The following PRKCB variants were observed in gnomAD, a reference collection of about 807,000 sequenced individuals.
PRKCB encodes protein kinase C beta.
A neutral mutation model predicts 81.5 loss-of-function variants in PRKCB; 13 were observed. The observed-to-expected ratio is 0.16, with a 90% CI of 0.10 to 0.25. The LOEUF is 0.25. PRKCB is among the 10% of genes least tolerant of loss of function. The pLI is 1.00. For missense variants in PRKCB, 509 were observed against 875.7 expected, an observed-to-expected ratio of 0.58 and a Z score of 5.29; for synonymous variants, 335 against 321.4, an observed-to-expected ratio of 1.04 and a Z score of -0.45.
At chr16:23,977,245 T>C (rs1032865520) in intron 2 of PRKCB, among the ~76,000 whole-genome samples, 5 of 152,138 alleles carry the variant, frequency 3.3e-5, no homozygotes, top group Non-Finnish European at 5.9e-5. Context: ...TCTCTACATA[T>C]GGAGATGGAA....
chr16:23,992,942 G>T (rs1482717686), intron 3 of PRKCB, among the ~76,000 whole-genome samples: 3 of 152,162 alleles, frequency 2.0e-5, no homozygotes, highest in African/African-American at 7.2e-5. Context: ...TCAAGCAAAA[G>T]TGTCATCCCC....
chr16:24,100,838 A>G (rs1346214599), intron 7 of PRKCB, among the ~76,000 whole-genome samples: 1 of 152,166 alleles, frequency 6.6e-6, no homozygotes, highest in Non-Finnish European at 1.5e-5. Context: ...AGGGTTTTTC[A>G]AGGACAGTTT....
At chr16:24,148,235 C>T (rs1967023708) in intron 9 of PRKCB, among the ~76,000 whole-genome samples, 1 of 152,210 alleles carries the variant, frequency 6.6e-6, no homozygotes, top group Non-Finnish European at 1.5e-5. Context: ...CTTCAGGTGT[C>T]AGCTTAACCA....
intron 2 of PRKCB, among the ~76,000 whole-genome samples, chr16:23,900,165 A>G (rs190223505): frequency 9.8e-4 from 149 of 152,248 alleles, no homozygotes; most frequent in African/African-American, 3.4e-3. Flanking sequence ...AATATACAAG[A>G]CAGCCTCACA....
chr16:23,949,277 C>T (rs1296882519), intron 2 of PRKCB, among the ~76,000 whole-genome samples: 1 of 152,184 alleles, frequency 6.6e-6, no homozygotes, highest in East Asian at 1.9e-4. Flanking sequence ...AAGGGCCAGC[C>T]CCTGGGGCCT....
chr16:24,104,469 AAAC>A (rs1214090369), intron 7 of PRKCB, among the ~76,000 whole-genome samples: 18 of 152,358 alleles, frequency 1.2e-4, no homozygotes, highest in Non-Finnish European at 1.9e-4. Flanking sequence ...GAAGAAAAAT[AAAC>A]AACAATTGTA....
chr16:23,947,633 G>A (rs1030806174), intron 2 of PRKCB, among the ~76,000 whole-genome samples: 8 of 152,124 alleles, frequency 5.3e-5, no homozygotes, highest in Admixed American at 1.3e-4. Context: ...GGTCTTCAGA[G>A]ATACATAGAT....
chr16:24,108,340 TTTA>T (rs1966606964), intron 7 of PRKCB, among the ~76,000 whole-genome samples: 1 of 147,582 alleles, frequency 6.8e-6, no homozygotes, highest in African/African-American at 2.5e-5. Flanking sequence ...TTTATTTTTT[TTTA>T]AATTTATTTA....
intron 10 of PRKCB, among the ~76,000 whole-genome samples, chr16:24,155,717 C>G (rs1243352137): frequency 6.6e-6 from 1 of 152,208 alleles, no homozygotes; most frequent in African/African-American, 2.4e-5. Flanking sequence ...TACTTTGCAT[C>G]TAATTTGATG....
chr16:24,106,882 A>T (rs1966585304), intron 7 of PRKCB, among the ~76,000 whole-genome samples: 1 of 152,166 alleles, frequency 6.6e-6, no homozygotes, highest in South Asian at 2.1e-4. Flanking sequence ...TATGAGAAGA[A>T]TATTAATATG....
At chr16:24,125,317 G>GC (rs3841767) in intron 9 of PRKCB, among the ~76,000 whole-genome samples, 1 of 151,732 alleles carries the variant, frequency 6.6e-6, no homozygotes, top group East Asian at 1.9e-4. Flanking sequence ...TTATCATCTG[G>GC]CCCTTGTTCT....
rs1453653231 is a variant in PRKCB, at chr16:24,172,308, C to T, written c.1278C>T (p.Gly426=). The T allele has an allele frequency of 6.8e-6, 11 of 1,613,900 alleles. No homozygotes were observed. Among genetic ancestry groups the T allele is most frequent in the South Asian group, 1.1e-5 (1 of 91,056 alleles). ...LYFVMEYVNG[G]DLMYHIQQVG... ...TTGTGATGGAGTACGTGAATGGGGG[C>T]GACCTCATGTATCACATCCAGCAAG... Residue 426 remains glycine (G), a synonymous_variant, in exon 11 of 17, where the codon GGC becomes GGT. Coordinates refer to ENST00000643927, the MANE Select transcript of PRKCB (RefSeq NM_002738.7).
intron 9 of PRKCB, among the ~76,000 whole-genome samples, chr16:24,134,228 CCTTT>C (rs1966858123): frequency 6.6e-6 from 1 of 151,980 alleles, no homozygotes; most frequent in African/African-American, 2.4e-5. Flanking sequence ...TTCCTTTTTT[CCTTT>C]CTTTCTTCCT....
At chr16:24,081,300 A>C (rs1191666119) in intron 5 of PRKCB, among the ~76,000 whole-genome samples, 1 of 152,026 alleles carries the variant, frequency 6.6e-6, no homozygotes, top group Admixed American at 6.5e-5. Flanking sequence ...TTACCATATT[A>C]ATAATCTAAA....
intron 5 of PRKCB, among the ~76,000 whole-genome samples, chr16:24,079,374 TG>T (rs1966220803): frequency 6.6e-6 from 1 of 152,220 alleles, no homozygotes; most frequent in Non-Finnish European, 1.5e-5. Context: ...GACTGAACCT[TG>T]GGGCACCCGC....
intron 2 of PRKCB, among the ~76,000 whole-genome samples, chr16:23,967,358 C>G (rs373688863): frequency 7.2e-5 from 11 of 152,300 alleles, no homozygotes; most frequent in African/African-American, 2.6e-4. Context: ...CATAGTCACC[C>G]ATGGGGGCGA....
intron 3 of PRKCB, among the ~76,000 whole-genome samples, chr16:24,026,983 G>C (rs1480043617): frequency 6.6e-6 from 1 of 152,168 alleles, no homozygotes; most frequent in Non-Finnish European, 1.5e-5. Context: ...GCCAATACCA[G>C]TCATGAACAG....
At chr16:24,028,586 T>G (rs1415347186) in intron 3 of PRKCB, among the ~76,000 whole-genome samples, 1 of 152,232 alleles carries the variant, frequency 6.6e-6, no homozygotes, top group Non-Finnish European at 1.5e-5. Flanking sequence ...GAACCTACAC[T>G]TGTGTTGAAC....
intron 5 of PRKCB, among the ~76,000 whole-genome samples, chr16:24,055,300 G>A (rs1965890838): frequency 6.6e-6 from 1 of 152,258 alleles, no homozygotes; most frequent in Non-Finnish European, 1.5e-5. Context: ...GTGAGCTTTA[G>A]ATGGGCTGTC....
Sources: allele counts gnomAD v4.1 joint callset (sites outside exome capture counted in the v4.1 genomes callset), GRCh38; gene constraint gnomAD v4.1.1; transcripts MANE v1.5; gene names NCBI Gene and HGNC (gene_info 2026-07-23, HGNC 2026-07-21).